Variants in RPGR observed in about 807,000 individuals in gnomAD.
RPGR encodes X-linked retinitis pigmentosa GTPase regulator.
A neutral mutation model predicts 56.3 loss-of-function variants in RPGR; 10 were observed. The ratio of observed to expected loss-of-function variants is 0.18; its 90% confidence interval spans 0.11 to 0.30. The LOEUF is 0.30. Ranked by LOEUF, RPGR falls within the 10% of genes least tolerant of loss-of-function variation. The probability of loss-of-function intolerance (pLI) is 1.00; values close to 1 mark genes in which losing one functional copy is unlikely to be tolerated. For synonymous variants in RPGR, 197 were observed against 212.9 expected, an observed-to-expected ratio of 0.93 and a Z score of 0.65; for missense variants, 538 against 590.9, an observed-to-expected ratio of 0.91 and a Z score of 0.93.
intron 7 of RPGR, among the ~76,000 whole-genome samples, chrX:38,307,007 C>G (rs1313426612): frequency 8.9e-6 from 1 of 112,709 alleles, no homozygotes; most frequent in African/African-American, 3.2e-5. Flanking sequence ...TAGATTTGAT[C>G]AGTTAGCTTC....
intron 11 of RPGR, among the ~76,000 whole-genome samples, chrX:38,295,587 C>A (rs1377547486): frequency 8.9e-6 from 1 of 111,906 alleles, no homozygotes; most frequent in Non-Finnish European, 1.9e-5. Flanking sequence ...TTTCCATGTC[C>A]AGGGCTGAAG....
chrX:38,295,886 G>A (rs1468079202), intron 11 of RPGR: 1 of 111,623 alleles, frequency 9.0e-6, no homozygotes, highest in East Asian at 2.8e-4. Flanking sequence ...TCCTGGTCCT[G>A]GTTTCTTGTC....
intron 15 of RPGR, among the ~76,000 whole-genome samples, chrX:38,281,572 T>C (rs772118524): frequency 8.9e-6 from 1 of 112,558 alleles, no homozygotes; most frequent in Non-Finnish European, 1.9e-5. Context: ...GTCAGTGACC[T>C]GGAGATTCAT....
intron 1 of RPGR, among the ~76,000 whole-genome samples, chrX:38,326,193 G>A (rs919247888): frequency 9.0e-6 from 1 of 111,723 alleles, no homozygotes; most frequent in African/African-American, 3.3e-5. Flanking sequence ...AGGTTTGGTG[G>A]CTCTGCTCTG....
chrX:38,308,979 A>C (rs1041192324), intron 7 of RPGR, among the ~76,000 whole-genome samples: 5 of 112,085 alleles, frequency 4.5e-5, no homozygotes, highest in African/African-American at 1.6e-4. Flanking sequence ...ATTTGTCTAC[A>C]ACATTTCTAA....
At position 38,327,202 on chromosome X, in the gene RPGR, A is replaced by G. The variant is rs1365545050; in HGVS notation, c.28+138T>C. On this transcript the variant is annotated intron_variant, in intron 1 of 18. Coordinates refer to ENST00000642395, the MANE Select transcript of RPGR (RefSeq NM_000328.3). ...TCCTCTGCCCTCAGTCATTCGCGGG[A>G]GCGCAACCAGCGATCCCGCCCCAGT... 4.6e-5 allele frequency: 26 copies of G among 568,280 alleles called. No individual in the cohort carries two copies. In the East Asian group the frequency reaches 1.0e-3, roughly 22 times the overall value. 46.8% of individuals were successfully genotyped at this position (568,280 alleles called of 1,213,427 possible).
At chrX:38,291,049 T>C (rs763230446) in intron 12 of RPGR, 25 bp from the exon 13 acceptor site, 3 of 657,408 alleles carry the variant, frequency 4.6e-6, no homozygotes, top group Non-Finnish European at 6.4e-6. Flanking sequence ...AAATATATAT[T>C]ATAAAAAGAA....
At chrX:38,296,827 G>A (rs923620775) in intron 11 of RPGR, among the ~76,000 whole-genome samples, 8 of 111,755 alleles carry the variant, frequency 7.2e-5, no homozygotes, top group African/African-American at 2.3e-4. Flanking sequence ...GCTCTTAACC[G>A]CTATGTTATA....
Position 38,327,348 on chromosome X carries a change from A to T in RPGR, c.20T>A (p.Leu7Gln), listed in dbSNP as rs1215837782. The T allele has an allele frequency of 1.1e-5, 13 of 1,189,487 alleles. No individual in the cohort carries two copies. The highest frequency in any genetic ancestry group is 1.5e-5 in the Non-Finnish European group (13 of 886,180). The change falls in exon 1 of 19, where the codon CTG (leucine) becomes CAG (glutamine). Residue 7 changes from leucine to glutamine, a missense_variant. Coordinates refer to ENST00000642395, the MANE Select transcript of RPGR (RefSeq NM_000328.3). ...GCGCGGGCGCAACTCACCGGGCATC[A>T]GCTCTTCCGGCTCCCTCATGCCACG...
chrX:38,278,574 T>C (rs969201113), intron 15 of RPGR, among the ~76,000 whole-genome samples: 2 of 112,574 alleles, frequency 1.8e-5, no homozygotes, highest in East Asian at 5.5e-4. Flanking sequence ...ATATTGTGTA[T>C]CATGCCTAGC....
chrX:38,296,579 A>AAGTT (rs1489171359), intron 11 of RPGR, among the ~76,000 whole-genome samples: 1 of 111,760 alleles, frequency 8.9e-6, no homozygotes, highest in Admixed American at 9.5e-5. Context: ...AGGTATTAAT[A>AAGTT]TTAATCATAA....
Position 38,310,716 on chromosome X carries a change from T to C in RPGR, c.677A>G (p.Asn226Ser), listed in dbSNP as rs760123267. Residue 226 changes from asparagine to serine, a missense_variant, in exon 7 of 19, where the codon AAT becomes AGT. This residue lies in a region of RPGR where 181 missense variants were observed against 265.1 expected (regional missense o/e 0.68). Transcript: ENST00000642395. The stretch of plus-strand genomic sequence containing the variant: ...TGTTCTGTGATTGCCCAGGAGCTGA[T>C]TGGGAAGACCTAACTTCCCATTCTC... The C allele has an allele frequency of 1.1e-5, 13 of 1,209,929 alleles. No homozygotes were observed. The highest frequency in any genetic ancestry group is 2.2e-5 in the Admixed American group (1 of 45,926).
chrX:38,270,263 T>G (rs1301261733), intron 18 of RPGR, among the ~76,000 whole-genome samples: 2 of 110,168 alleles, frequency 1.8e-5, no homozygotes, highest in East Asian at 5.7e-4. Context: ...ATTGTAATAT[T>G]CTGAAGAAGG....
intron 7 of RPGR, among the ~76,000 whole-genome samples, chrX:38,309,365 A>G (rs773051709): frequency 8.9e-6 from 1 of 112,524 alleles, no homozygotes; most frequent in African/African-American, 3.2e-5. Flanking sequence ...TGTCACAAAG[A>G]AAAGAATTAT....
intron 15 of RPGR, among the ~76,000 whole-genome samples, chrX:38,278,263 C>T (rs936305821): frequency 5.4e-5 from 6 of 112,081 alleles, no homozygotes; most frequent in African/African-American, 1.9e-4. Context: ...TTGTTTGAGA[C>T]AGGGTCTCAC....
intron 18 of RPGR, among the ~76,000 whole-genome samples, chrX:38,273,083 G>A (rs755330232): frequency 1.8e-5 from 2 of 112,104 alleles, no homozygotes; most frequent in African/African-American, 6.5e-5. Flanking sequence ...GAACATTGAT[G>A]AGCTTTAGAT....
chrX:38,297,266 C>G lies in RPGR; in HGVS notation c.1414+18G>C, dbSNP rs370721485. 1.0e-5 allele frequency: 12 copies of G among 1,202,459 alleles called. No homozygotes were observed. The African/African-American group carries it at 1.9e-4, about 19-fold the overall frequency. On this transcript the variant is annotated intron_variant, in intron 11 of 18. Transcript: ENST00000642395. ...AAGGCACATTTATCCTGAGAGCAGA[C>G]AGAGTAGCAAATGTTACCTGGTTCC...
intron 7 of RPGR, among the ~76,000 whole-genome samples, chrX:38,306,936 T>A (rs1264037489): frequency 2.7e-5 from 3 of 112,871 alleles, no homozygotes; most frequent in African/African-American, 9.6e-5. Context: ...TTTGGCCATA[T>A]CACCTTTGTG....
chrX:38,298,085 T>C (rs1030823239), intron 10 of RPGR, among the ~76,000 whole-genome samples: 1 of 110,040 alleles, frequency 9.1e-6, no homozygotes, highest in African/African-American at 3.3e-5. Context: ...CTGGCCAGCA[T>C]GGTGAAACCC....
Sources: allele counts gnomAD v4.1 joint callset (sites outside exome capture counted in the v4.1 genomes callset), GRCh38; gene constraint gnomAD v4.1.1; regional missense constraint gnomAD v4.1.1; transcripts MANE v1.5; gene names NCBI Gene and HGNC (gene_info 2026-07-23, HGNC 2026-07-21).